The following TAOK3 variants were observed in gnomAD, a reference collection of about 807,000 sequenced individuals.
The protein encoded by TAOK3 is serine/threonine-protein kinase TAO3.
TAOK3 carries 40 observed loss-of-function variants against 120.4 expected under a neutral mutation model. That is an observed-to-expected ratio of 0.33 (90% CI 0.26 to 0.43). The LOEUF is 0.43. Among genes scored for constraint, TAOK3 ranks in the 20% least tolerant of loss-of-function variants. The pLI, the probability that TAOK3 is intolerant of heterozygous loss-of-function variation, is 1.00. For synonymous variants in TAOK3, 355 were observed against 387.5 expected (o/e 0.92, Z 0.99); for missense variants, 821 against 1,112.1 (o/e 0.74, Z 3.72).
chr12:118,202,860 A>G (rs1391421001), intron 11 of TAOK3, among the ~76,000 whole-genome samples: 1 of 147,562 alleles, frequency 6.8e-6, no homozygotes. Context: ...GCTCACTGCA[A>G]CCTCCACCTC....
At chr12:118,214,598 A>G (rs1218584042) in intron 9 of TAOK3, among the ~76,000 whole-genome samples, 1 of 148,858 alleles carries the variant, frequency 6.7e-6, no homozygotes, top group Non-Finnish European at 1.5e-5. Flanking sequence ...TTTTTTTGTG[A>G]CGGAGTCTTG....
intron 1 of TAOK3, among the ~76,000 whole-genome samples, chr12:118,295,756 T>C (rs17619805): frequency 0.054 from 8,255 of 152,300 alleles, 464 homozygotes; most frequent in East Asian, 0.25. Context: ...TAGTCCTGTT[T>C]GTCCATCTTT....
intron 1 of TAOK3, among the ~76,000 whole-genome samples, chr12:118,351,637 C>A (rs754178710): frequency 3.3e-5 from 5 of 152,050 alleles, no homozygotes; most frequent in Non-Finnish European, 5.9e-5. Flanking sequence ...AGATAAGAGA[C>A]CGATTATAAC....
At chr12:118,180,103 ACGCC>A in intron 15 of TAOK3, among the ~76,000 whole-genome samples, 1 of 146,486 alleles carries the variant, frequency 6.8e-6, no homozygotes, top group Non-Finnish European at 1.5e-5. Context: ...ATCTGCCACC[ACGCC>A]CAGCTAATTT....
intron 1 of TAOK3, among the ~76,000 whole-genome samples, chr12:118,346,466 T>A (rs924257718): frequency 6.6e-6 from 1 of 152,224 alleles, no homozygotes; most frequent in African/African-American, 2.4e-5. Context: ...TTCTATTCTA[T>A]AGAAAATACA....
chr12:118,338,786 C>CAAAAAAAA (rs71069438), intron 1 of TAOK3, among the ~76,000 whole-genome samples: 1 of 49,838 alleles, frequency 2.0e-5, no homozygotes, highest in Non-Finnish European at 3.9e-5. Context: ...GACTCCGTCT[C>CAAAAAAAA]AAAAAAAAAA....
At chr12:118,217,995 G>A (rs1001695588) in intron 9 of TAOK3, among the ~76,000 whole-genome samples, 2 of 150,010 alleles carry the variant, frequency 1.3e-5, no homozygotes, top group Non-Finnish European at 1.5e-5. Flanking sequence ...GAGTAGCTGG[G>A]ACTACAGGCG....
rs544608039 is a variant in TAOK3, at chr12:118,203,934, C to A, written c.820-2471G>T. Among the ~76,000 whole-genome samples, 4 of 152,232 alleles carry A rather than the reference C, an allele frequency of 2.6e-5. No homozygotes were observed. The South Asian group carries it at 8.3e-4, about 32-fold the overall frequency. On this transcript the variant is annotated intron_variant, in intron 11 of 20. Transcript: ENST00000392533. ...TGCCCCTTATATAGCCCCTTTTATG[C>A]CTCAAGAGTTCACGAAACACTGTTT...
intron 1 of TAOK3, among the ~76,000 whole-genome samples, chr12:118,338,264 T>C (rs1261511889): frequency 1.3e-5 from 2 of 152,142 alleles, no homozygotes; most frequent in Admixed American, 6.5e-5. Context: ...GATGTCACAA[T>C]TGTGATTATA....
At chr12:118,152,698 T>A in intron 19 of TAOK3, 1 of 342,630 alleles carries the variant, frequency 2.9e-6, no homozygotes, top group Non-Finnish European at 5.4e-6. Context: ...TGGGCTTGAA[T>A]TACAGCTACA....
chr12:118,330,314 T>C (rs2044089963), intron 1 of TAOK3, among the ~76,000 whole-genome samples: 1 of 152,222 alleles, frequency 6.6e-6, no homozygotes. Flanking sequence ...GGTCTTTACG[T>C]CTTTTGTCTG....
chr12:118,309,279 A>G (rs2043175950), intron 1 of TAOK3, among the ~76,000 whole-genome samples: 1 of 146,040 alleles, frequency 6.8e-6, no homozygotes, highest in Non-Finnish European at 1.5e-5. Flanking sequence ...CAATGAGCCG[A>G]GCTCGGGCCA....
At chr12:118,322,657 C>T (rs1395908343) in intron 1 of TAOK3, among the ~76,000 whole-genome samples, 1 of 151,704 alleles carries the variant, frequency 6.6e-6, no homozygotes, top group Non-Finnish European at 1.5e-5. Context: ...TATAATTTTC[C>T]CATGTCAAGA....
rs889502615 is a variant in TAOK3 at position 118,181,253 on chromosome 12, C to T, written c.1566+118G>A. ...ATAAAATCTAGAAACCCAATTTTGC[C>T]ACCCCGGAAACAACAATTTTCCTCC... On this transcript the variant is annotated intron_variant, in intron 15 of 20. Transcript: ENST00000392533. 42 of 861,772 alleles carry T rather than the reference C, an allele frequency of 4.9e-5. No homozygotes were observed. In the Middle Eastern group the frequency reaches 1.4e-3, roughly 28 times the overall value. The allele number at this position is 861,772 out of a possible 1,614,324, so 53.4% of individuals were successfully genotyped here. A position where few individuals can be genotyped will look rare whatever the true frequency, so the allele number is the denominator to read the frequency against.
chr12:118,289,065 C>CA (rs2042373590), intron 1 of TAOK3, among the ~76,000 whole-genome samples: 1 of 151,736 alleles, frequency 6.6e-6, no homozygotes, highest in African/African-American at 2.4e-5. Context: ...TTTGGAAGGC[C>CA]AAGGCAGGTA....
chr12:118,345,322 G>A (rs1011228358), intron 1 of TAOK3, among the ~76,000 whole-genome samples: 8 of 151,994 alleles, frequency 5.3e-5, no homozygotes, highest in South Asian at 2.1e-4. Context: ...TGTAATAACC[G>A]GTTACTTTGG....
intron 1 of TAOK3, among the ~76,000 whole-genome samples, chr12:118,301,343 C>A (rs550548776): frequency 1.3e-5 from 2 of 152,264 alleles, no homozygotes; most frequent in African/African-American, 4.8e-5. Flanking sequence ...AACTCTAGCA[C>A]TTAGCACAGT....
At chr12:118,288,614 A>C (rs1040611245) in intron 1 of TAOK3, among the ~76,000 whole-genome samples, 7 of 152,170 alleles carry the variant, frequency 4.6e-5, no homozygotes, top group African/African-American at 9.7e-5. Context: ...TAGCCCAAGC[A>C]GACTAAGATA....
chr12:118,304,726 G>T (rs932567489), intron 1 of TAOK3, among the ~76,000 whole-genome samples: 8 of 152,278 alleles, frequency 5.3e-5, no homozygotes, highest in African/African-American at 1.9e-4. Context: ...TTAGCAATTT[G>T]TTCAGATAAT....
Sources: allele counts gnomAD v4.1 joint callset (sites outside exome capture counted in the v4.1 genomes callset), GRCh38; gene constraint gnomAD v4.1.1; transcripts MANE v1.5; gene names NCBI Gene and HGNC (gene_info 2026-07-23, HGNC 2026-07-21).